Variants in IQCJ observed in about 807,000 individuals in gnomAD.
IQCJ encodes the protein IQ domain-containing protein J.
A neutral mutation model predicts 11.0 loss-of-function variants in IQCJ; 9 were observed. That is an observed-to-expected ratio of 0.82 (90% CI 0.49 to 1.43). IQCJ has a LOEUF of 1.43. Among genes scored for constraint, IQCJ ranks in the 40% most tolerant of loss-of-function variants. IQCJ has a pLI of 0.00. For synonymous variants in IQCJ, 55 were observed against 51.3 expected, an observed-to-expected ratio of 1.07 and a Z score of -0.31; for missense variants, 146 against 133.2, an observed-to-expected ratio of 1.10 and a Z score of -0.47.
At chr3:159,144,305 G>A (rs965617898) in intron 1 of IQCJ, among the ~76,000 whole-genome samples, 4 of 152,172 alleles carry the variant, frequency 2.6e-5, no homozygotes, top group Non-Finnish European at 4.4e-5. Flanking sequence ...ATGCAATATA[G>A]TTGTCTAAAA....
rs144192519 is a variant in IQCJ at position 159,094,033 on chromosome 3, G to C, written c.9+24592G>C. Reference sequence around the variant, plus strand: ...TTGTCAGTCATACAGGTAATTAGTTGGTTAGTGATAGGAACAGGGTTTGGG... The same window carrying C: ...TTGTCAGTCATACAGGTAATTAGTTCGTTAGTGATAGGAACAGGGTTTGGG... On this transcript the variant is annotated intron_variant, in intron 1 of 3. Coordinates refer to ENST00000397832, the MANE Select transcript of IQCJ (RefSeq NM_001042706.3). Among the ~76,000 whole-genome samples, 580 of 151,874 alleles carry C rather than the reference G, an allele frequency of 3.8e-3. 4 individuals carry two copies. Among genetic ancestry groups the C allele is most frequent in the Admixed American group, 7.4e-3 (113 of 15,284 alleles).
In IQCJ at chr3:159,069,354, C is replaced by T. The variant is rs1226254872; in HGVS notation, c.-79C>T. The stretch of plus-strand genomic sequence containing the variant: ...CACATTCCCCCACAGTCACATTGCG[C>T]TCTGTGATTCTGAGGAATACAGTGT... On this transcript the variant is annotated 5_prime_UTR_variant, in exon 1 of 4. Transcript: ENST00000397832. The T allele has an allele frequency of 7.7e-6, 12 of 1,549,652 alleles. No homozygotes were observed. In the East Asian group the frequency reaches 1.1e-4, roughly 15 times the overall value.
chr3:159,243,006 A>G (rs1211328269), intron 1 of IQCJ, among the ~76,000 whole-genome samples: 6 of 152,204 alleles, frequency 3.9e-5, no homozygotes, highest in Non-Finnish European at 7.3e-5. Flanking sequence ...AATACTCAAC[A>G]TTATTAGTTA....
At chr3:159,166,253 A>G (rs1278433272) in intron 1 of IQCJ, among the ~76,000 whole-genome samples, 1 of 152,216 alleles carries the variant, frequency 6.6e-6, no homozygotes, top group East Asian at 1.9e-4. Context: ...CAAAAATTAT[A>G]TCATCCATTT....
At chr3:159,210,977 T>A (rs1724922679) in intron 1 of IQCJ, among the ~76,000 whole-genome samples, 1 of 152,210 alleles carries the variant, frequency 6.6e-6, no homozygotes, top group Non-Finnish European at 1.5e-5. Context: ...CGGCCTCAAA[T>A]TTTAAAACTA....
At chr3:159,247,793 G>T (rs1165405879) in intron 2 of IQCJ, among the ~76,000 whole-genome samples, 1 of 152,210 alleles carries the variant, frequency 6.6e-6, no homozygotes, top group Non-Finnish European at 1.5e-5. Context: ...TGTGGAAGAG[G>T]AATTCTGGTT....
At chr3:159,259,547 C>A (rs1447402875) in intron 3 of IQCJ, among the ~76,000 whole-genome samples, 1 of 152,136 alleles carries the variant, frequency 6.6e-6, no homozygotes, top group East Asian at 1.9e-4. Flanking sequence ...TGAGGTGCTT[C>A]TAAATTTTAC....
At chr3:159,181,395 GT>G (rs1458710978) in intron 1 of IQCJ, among the ~76,000 whole-genome samples, 11 of 141,398 alleles carry the variant, frequency 7.8e-5, no homozygotes, top group African/African-American at 2.9e-4. Flanking sequence ...CATTCACTTG[GT>G]TTTAACTTGT....
intron 1 of IQCJ, among the ~76,000 whole-genome samples, chr3:159,213,663 T>C (rs945988687): frequency 1.3e-5 from 2 of 152,196 alleles, no homozygotes; most frequent in Non-Finnish European, 2.9e-5. Context: ...CTTAGCTCTG[T>C]CACTAGTCAT....
intron 1 of IQCJ, among the ~76,000 whole-genome samples, chr3:159,085,774 T>C (rs1473624245): frequency 6.6e-6 from 1 of 151,954 alleles, no homozygotes; most frequent in Non-Finnish European, 1.5e-5. Context: ...TGTTTTTTTT[T>C]TCTTGTAAAT....
chr3:159,261,294 C>A (rs566997477), intron 3 of IQCJ, among the ~76,000 whole-genome samples: 11 of 152,232 alleles, frequency 7.2e-5, no homozygotes, highest in African/African-American at 2.4e-4. Context: ...ACAACTAGTC[C>A]GCATGAACTG....
chr3:159,169,774 G>C (rs148810583), intron 1 of IQCJ, among the ~76,000 whole-genome samples: 21 of 152,270 alleles, frequency 1.4e-4, no homozygotes, highest in African/African-American at 5.1e-4. Context: ...GTCAGATTCT[G>C]GGTGTGTGTG....
intron 1 of IQCJ, among the ~76,000 whole-genome samples, chr3:159,089,054 G>C (rs773581696): frequency 4.6e-5 from 7 of 151,988 alleles, no homozygotes; most frequent in Non-Finnish European, 4.4e-5. Context: ...GCAGTGGCTG[G>C]TACCGGTTGT....
intron 1 of IQCJ, among the ~76,000 whole-genome samples, chr3:159,177,467 G>C (rs1038664928): frequency 5.3e-5 from 8 of 152,116 alleles, no homozygotes; most frequent in Non-Finnish European, 1.2e-4. Context: ...TTCTTATAAA[G>C]AAACAAAGTT....
intron 1 of IQCJ, among the ~76,000 whole-genome samples, chr3:159,091,981 T>A (rs552807922): frequency 1.3e-5 from 2 of 151,822 alleles, no homozygotes; most frequent in South Asian, 4.1e-4. Context: ...TGTCAATGGA[T>A]GCTAAAATCA....
intron 1 of IQCJ, among the ~76,000 whole-genome samples, chr3:159,220,478 C>T (rs764099081): frequency 1.3e-5 from 2 of 152,152 alleles, no homozygotes; most frequent in African/African-American, 4.8e-5. Context: ...AGAAGAGCCT[C>T]AGAAGAAACC....
chr3:159,236,206 C>T (rs1363291744), intron 1 of IQCJ, among the ~76,000 whole-genome samples: 2 of 140,886 alleles, frequency 1.4e-5, no homozygotes, highest in South Asian at 2.2e-4. Context: ...GTGAAATTTA[C>T]AGGTTTGCCA....
intron 1 of IQCJ, among the ~76,000 whole-genome samples, chr3:159,115,270 C>T (rs989293669): frequency 6.6e-6 from 1 of 152,160 alleles, no homozygotes; most frequent in Non-Finnish European, 1.5e-5. Context: ...CTAGGCAAGG[C>T]CTCATCCCTT....
chr3:159,246,472 G>T (rs1727278326), intron 2 of IQCJ, among the ~76,000 whole-genome samples: 1 of 152,126 alleles, frequency 6.6e-6, no homozygotes, highest in Admixed American at 6.5e-5. Context: ...AACAGGCTCA[G>T]CGAGGTTTCA....
Sources: gnomAD v4.1 joint callset for allele counts (sites outside exome capture counted in the v4.1 genomes callset) on GRCh38, gnomAD v4.1.1 for gene constraint, MANE v1.5 for transcripts, NCBI Gene and HGNC (gene_info 2026-07-23, HGNC 2026-07-21) for gene names.